ERAP1: variants seen among roughly 807,000 people sequenced by gnomAD.
The protein encoded by ERAP1 is adipocyte-derived leucine aminopeptidase.
A neutral mutation model predicts 103.7 loss-of-function variants in ERAP1; 86 were observed. The ratio of observed to expected loss-of-function variants is 0.83; its 90% CI spans 0.70 to 0.99. The LOEUF (loss-of-function observed/expected upper bound fraction) is 0.99, where lower values mean the gene tolerates loss of function less well. Ranked by LOEUF, ERAP1 falls within the 50% of genes least tolerant of loss-of-function variation. ERAP1 has a pLI of 0.00. For synonymous variants in ERAP1, 398 were observed against 402.4 expected (o/e 0.99, Z 0.13); for missense variants, 1,009 against 1,128.4 (o/e 0.89, Z 1.52).
At chr5:96,817,430 T>C in the ERAP1 span, among the ~76,000 whole-genome samples, 100,418 of 152,132 alleles carry the variant, frequency 0.66, 33,646 homozygotes, top group Non-Finnish European at 0.72. Flanking sequence ...CATGCAATTA[T>C]AAATAAGAAA....
the ERAP1 span, chr5:96,881,272 CAGTAGTTCAGGTA>C: frequency 2.6e-6 from 1 of 385,186 alleles, no homozygotes; most frequent in African/African-American, 2.1e-5. Flanking sequence ...GAGGTCATTG[CAGTAGTTCAGGTA>C]AGAAGTGATG....
chr5:96,909,873 A>C, the ERAP1 span: 4 of 1,122,774 alleles, frequency 3.6e-6, no homozygotes, highest in African/African-American at 1.6e-5. Context: ...AGAAAAAAAA[A>C]CATGCTGGGC....
At chr5:96,793,647 A>G in intron 6 of ERAP1, 134 bp from the exon 7 acceptor site, 1 of 1,074,468 alleles carries the variant, frequency 9.3e-7, no homozygotes, top group South Asian at 1.4e-5. Flanking sequence ...AAAAAAGTTC[A>G]ACATGCATTA....
chr5:96,934,112 G>T, the ERAP1 span: 2 of 152,258 alleles, frequency 1.3e-5, no homozygotes, highest in South Asian at 4.1e-4. Context: ...ATTATTTATT[G>T]TATACTTACC....
the ERAP1 span, chr5:96,880,262 T>C: frequency 6.2e-7 from 1 of 1,603,522 alleles, no homozygotes; most frequent in South Asian, 1.1e-5. Context: ...TGAAACAAGG[T>C]AAGAACTTGC....
At chr5:96,909,220 G>A in the ERAP1 span, 1 of 1,111,884 alleles carries the variant, frequency 9.0e-7, no homozygotes. Context: ...TAAATCTGGA[G>A]CAGCTCGGGG....
chr5:96,892,873 A>T, the ERAP1 span, among the ~76,000 whole-genome samples: 1 of 152,288 alleles, frequency 6.6e-6, no homozygotes, highest in East Asian at 1.9e-4. Flanking sequence ...CTGTGCTTAC[A>T]TGGCCATAAT....
At chr5:96,863,240 C>CG in the ERAP1 span, among the ~76,000 whole-genome samples, 4 of 151,928 alleles carry the variant, frequency 2.6e-5, no homozygotes, top group Non-Finnish European at 5.9e-5. Context: ...TCTTCCTGCA[C>CG]CCTCCCTCAC....
chr5:96,854,793 T>C, the ERAP1 span, among the ~76,000 whole-genome samples: 1 of 152,216 alleles, frequency 6.6e-6, no homozygotes, highest in African/African-American at 2.4e-5. Context: ...ATTTTTCTTT[T>C]AAAATGAATG....
chr5:96,765,969 A>C, intron 19 of ERAP1: 1 of 802,010 alleles, frequency 1.2e-6, no homozygotes, highest in South Asian at 1.6e-5. Flanking sequence ...AAGTACAACA[A>C]ATGCTGAATG....
chr5:96,868,082 A>T, the ERAP1 span, among the ~76,000 whole-genome samples: 3 of 152,142 alleles, frequency 2.0e-5, no homozygotes, highest in Admixed American at 6.5e-5. Context: ...CTCCAAAAAA[A>T]AGAAAAACAA....
the ERAP1 span, chr5:96,919,321 C>T: frequency 6.6e-6 from 1 of 152,272 alleles, no homozygotes; most frequent in South Asian, 2.1e-4. Flanking sequence ...TTTGAAGTAT[C>T]TTTGACTCTA....
the ERAP1 span, among the ~76,000 whole-genome samples, chr5:96,815,402 G>GTTTT: frequency 1.1e-5 from 1 of 95,192 alleles, no homozygotes; most frequent in Admixed American, 1.0e-4. Context: ...GTTGTTGTTT[G>GTTTT]TTTTGTTTTT....
At position 96,794,998 on chromosome 5, in the gene ERAP1, G is replaced by A. The variant is rs1777185453; in HGVS notation, c.919+44C>T. The A allele has an allele frequency of 1.9e-6, 3 of 1,609,908 alleles. No homozygotes were observed. The African/African-American group carries it at 4.0e-5, about 21-fold the overall frequency. ...CAATTATAATGACAAATCTATGACT[G>A]TGTTCATCAAATGTCATGTGTAATA... On this transcript the variant is annotated intron_variant, in intron 5 of 18. Transcript: ENST00000443439.
At chr5:96,788,450 C>A in intron 11 of ERAP1, 81 bp downstream of exon 11, 2 of 1,516,710 alleles carry the variant, frequency 1.3e-6, no homozygotes, top group Admixed American at 1.7e-5. Context: ...GTGGTAAGGG[C>A]ATTATTTCAA....
chr5:96,925,991 A>AC, the ERAP1 span, among the ~76,000 whole-genome samples: 2 of 148,606 alleles, frequency 1.3e-5, no homozygotes, highest in South Asian at 4.3e-4. Context: ...GCTCACTGCA[A>AC]CCTCTGCCTC....
the ERAP1 span, among the ~76,000 whole-genome samples, chr5:96,834,194 T>C: frequency 0.043 from 6,561 of 152,278 alleles, 164 homozygotes; most frequent in Non-Finnish European, 0.067. Flanking sequence ...TTTAAATACC[T>C]CTCTCTGCCA....
At chr5:96,907,014 G>T in the ERAP1 span, among the ~76,000 whole-genome samples, 1 of 152,196 alleles carries the variant, frequency 6.6e-6, no homozygotes, top group Non-Finnish European at 1.5e-5. Context: ...GGCAACAGGA[G>T]TGAAACTCCA....
At chr5:96,827,999 C>T in the ERAP1 span, among the ~76,000 whole-genome samples, 2 of 152,198 alleles carry the variant, frequency 1.3e-5, no homozygotes. Context: ...CACAGACTAA[C>T]ATATTTAAAG....
Sources: allele counts gnomAD v4.1 joint callset (sites outside exome capture counted in the v4.1 genomes callset), GRCh38; gene constraint gnomAD v4.1.1; transcripts MANE v1.5; gene names NCBI Gene and HGNC (gene_info 2026-07-23, HGNC 2026-07-21).